CAV1: variants seen among roughly 807,000 people sequenced by gnomAD.
CAV1 encodes caveolin-1.
Under a neutral mutation model 16.5 loss-of-function variants are expected in CAV1, and 10 were observed. The observed-to-expected ratio is 0.61, with a 90% confidence interval of 0.37 to 1.03. The LOEUF is 1.03. Among genes scored for constraint, CAV1 ranks in the 50% least tolerant of loss-of-function variants. CAV1 has a pLI of 0.01. For synonymous variants in CAV1, 76 were observed against 85.1 expected, an observed-to-expected ratio of 0.89 and a Z score of 0.59; for missense variants, 212 against 232.8, an observed-to-expected ratio of 0.91 and a Z score of 0.58.
At position 116,535,671 on chromosome 7, in the gene CAV1, G is replaced by A. The variant is rs1376254038; in HGVS notation, c.195+8982G>A. The stretch of plus-strand genomic sequence containing the variant: ...ACCAAGGGAATTAGTTGGTAGAACA[G>A]AATTACACCTGCACAGAATACAAAT... On this transcript the variant is annotated intron_variant, in intron 2 of 2. Transcript: ENST00000341049. Among the ~76,000 whole-genome samples, 3 of 152,188 alleles carry A rather than the reference G, an allele frequency of 2.0e-5. No homozygotes were observed. The East Asian group carries it at 5.8e-4, about 29-fold the overall frequency.
intron 2 of CAV1, among the ~76,000 whole-genome samples, chr7:116,534,395 A>ATTTTTTTT (rs1159703159): frequency 6.4e-4 from 5 of 7,820 alleles, no homozygotes; most frequent in Non-Finnish European, 7.9e-4. Context: ...ATATATATAT[A>ATTTTTTTT]TTTTTTTTTT....
At chr7:116,530,049 A>G (rs2115949211) in intron 2 of CAV1, among the ~76,000 whole-genome samples, 1 of 152,352 alleles carries the variant, frequency 6.6e-6, no homozygotes, top group Non-Finnish European at 1.5e-5. Flanking sequence ...ATGCTAGATT[A>G]GATGCTTTGC....
intron 2 of CAV1, among the ~76,000 whole-genome samples, chr7:116,530,260 G>A (rs1793660327): frequency 7.5e-6 from 1 of 133,858 alleles, no homozygotes; most frequent in African/African-American, 3.0e-5. Flanking sequence ...TCTATAGCTG[G>A]ATTTTAAGTT....
At chr7:116,534,395 A>ATATATT (rs1442237865) in intron 2 of CAV1, among the ~76,000 whole-genome samples, 3 of 7,834 alleles carry the variant, frequency 3.8e-4, no homozygotes, top group Non-Finnish European at 7.9e-4. Context: ...ATATATATAT[A>ATATATT]TTTTTTTTTT....
At chr7:116,526,439 C>T (rs1353554589) in intron 1 of CAV1, 86 bp from the exon 2 acceptor site, 1 of 1,601,538 alleles carries the variant, frequency 6.2e-7, no homozygotes, top group Non-Finnish European at 8.5e-7. Flanking sequence ...GCTGACTTCT[C>T]ATCGCTTGTT....
At chr7:116,528,113 A>G (rs1793607417) in intron 2 of CAV1, among the ~76,000 whole-genome samples, 1 of 149,246 alleles carries the variant, frequency 6.7e-6, no homozygotes, top group Non-Finnish European at 1.5e-5. Flanking sequence ...TTTGAACAAG[A>G]AGGAGAGTTG....
At chr7:116,549,743 C>T (rs1222935671) in intron 2 of CAV1, among the ~76,000 whole-genome samples, 2 of 152,106 alleles carry the variant, frequency 1.3e-5, no homozygotes, top group African/African-American at 4.8e-5. Flanking sequence ...TTTCAATGAG[C>T]ATTTATAGTT....
intron 2 of CAV1, among the ~76,000 whole-genome samples, chr7:116,540,345 A>G (rs1026041526): frequency 6.6e-6 from 1 of 152,138 alleles, no homozygotes; most frequent in East Asian, 1.9e-4. Flanking sequence ...TTTCCCAGAT[A>G]TGTTTCCTTC....
chr7:116,543,865 G>A (rs563479029), intron 2 of CAV1, among the ~76,000 whole-genome samples: 1 of 152,116 alleles, frequency 6.6e-6, no homozygotes, highest in African/African-American at 2.4e-5. Context: ...GTGAGCAATA[G>A]GATCAGATGA....
At chr7:116,542,802 C>G (rs1356447818) in intron 2 of CAV1, 1 of 152,158 alleles carries the variant, frequency 6.6e-6, no homozygotes, top group East Asian at 1.9e-4. Context: ...AGTATCATCC[C>G]CCTCCCCCTT....
chr7:116,539,278 T>C (rs933341761), intron 2 of CAV1, among the ~76,000 whole-genome samples: 1 of 152,148 alleles, frequency 6.6e-6, no homozygotes, highest in Non-Finnish European at 1.5e-5. Context: ...TGTCCTTCAG[T>C]GTCCTCTCTC....
intron 2 of CAV1, among the ~76,000 whole-genome samples, chr7:116,528,414 G>T (rs893216373): frequency 6.6e-6 from 1 of 152,040 alleles, no homozygotes; most frequent in Non-Finnish European, 1.5e-5. Context: ...TCAAATTAAA[G>T]AAATTAAAAG....
At chr7:116,528,179 T>G (rs960338114) in intron 2 of CAV1, among the ~76,000 whole-genome samples, 38 of 151,648 alleles carry the variant, frequency 2.5e-4, no homozygotes, top group African/African-American at 9.2e-4. Flanking sequence ...CTCCCTGTTG[T>G]TCCACTGCAC....
At chr7:116,543,943 T>G (rs1408499349) in intron 2 of CAV1, among the ~76,000 whole-genome samples, 1 of 152,086 alleles carries the variant, frequency 6.6e-6, no homozygotes, top group Non-Finnish European at 1.5e-5. Flanking sequence ...CTGTAAAGAG[T>G]TTGTTTCTCT....
At chr7:116,526,223 G>T (rs1406325411) in intron 1 of CAV1, 1 of 1,023,456 alleles carries the variant, frequency 9.8e-7, no homozygotes, top group African/African-American at 1.7e-5. Flanking sequence ...CGCGGGCGGG[G>T]GCCTTCGGAC....
chr7:116,537,009 CAAAAAAA>C (rs753949130), intron 2 of CAV1, among the ~76,000 whole-genome samples: 37 of 61,470 alleles, frequency 6.0e-4, no homozygotes, highest in African/African-American at 2.3e-3. Context: ...GACTCCGTCT[CAAAAAAA>C]AAAAAAAAAA....
intron 1 of CAV1, 151 bp from the exon 2 acceptor site, chr7:116,526,374 G>T: frequency 6.6e-7 from 1 of 1,516,350 alleles, no homozygotes; most frequent in Non-Finnish European, 8.8e-7. Flanking sequence ...GCACGGAGCC[G>T]TAGCTGTCGG....
chr7:116,545,318 C>A (rs139652522), intron 2 of CAV1, among the ~76,000 whole-genome samples: 243 of 152,224 alleles, frequency 1.6e-3, no homozygotes, highest in Non-Finnish European at 2.9e-3. Flanking sequence ...AATCATTAGA[C>A]CTAAAATGTT....
intron 2 of CAV1, among the ~76,000 whole-genome samples, chr7:116,535,652 G>A (rs578121901): frequency 6.6e-6 from 1 of 152,250 alleles, no homozygotes; most frequent in East Asian, 1.9e-4. Flanking sequence ...AACTACCAAG[G>A]GAATTAGTTG....
Sources: allele counts gnomAD v4.1 joint callset (sites outside exome capture counted in the v4.1 genomes callset), GRCh38; gene constraint gnomAD v4.1.1; transcripts MANE v1.5; gene names NCBI Gene and HGNC (gene_info 2026-07-23, HGNC 2026-07-21).